The following SERAC1 variants were observed in gnomAD, a reference collection of about 807,000 sequenced individuals.
SERAC1 encodes the protein serine active site containing 1, also known as protein SERAC1.
Under a neutral mutation model 85.7 loss-of-function variants are expected in SERAC1, and 36 were observed. The observed-to-expected ratio is 0.42, with a 90% CI of 0.32 to 0.55. The LOEUF (loss-of-function observed/expected upper bound fraction) is 0.55, where lower values mean the gene tolerates loss of function less well. Among genes scored for constraint, SERAC1 ranks in the 20% least tolerant of loss-of-function variants. SERAC1 has a pLI of 0.11. For synonymous variants in SERAC1, 242 were observed against 265.3 expected (o/e 0.91, Z 0.85); for missense variants, 629 against 796.2 (o/e 0.79, Z 2.53).
intron 14 of SERAC1, 131 bp downstream of exon 14, chr6:158,116,054 A>G (rs1411010203): frequency 1.5e-6 from 1 of 688,076 alleles, no homozygotes; most frequent in African/African-American, 1.8e-5. Context: ...ATAGCTACAC[A>G]GATTAATTTA....
At chr6:158,114,019 T>C (rs1784213072) in intron 15 of SERAC1, among the ~76,000 whole-genome samples, 1 of 151,906 alleles carries the variant, frequency 6.6e-6, no homozygotes, top group Non-Finnish European at 1.5e-5. Context: ...GATAGGCCTA[T>C]GACCTAAAAG....
At chr6:158,114,521 CA>C in intron 15 of SERAC1, 1 of 1,194,954 alleles carries the variant, frequency 8.4e-7, no homozygotes, top group Non-Finnish European at 1.0e-6. Context: ...TACTTAAAAG[CA>C]AAACATTATC....
intron 5 of SERAC1, among the ~76,000 whole-genome samples, chr6:158,148,128 CTCTT>C (rs1226419595): frequency 1.3e-5 from 2 of 152,162 alleles, no homozygotes; most frequent in Non-Finnish European, 2.9e-5. Flanking sequence ...ATTTAATAGT[CTCTT>C]TCAATTATAG....
intron 6 of SERAC1, chr6:158,145,988 A>C (rs1338673228): frequency 6.6e-6 from 1 of 152,226 alleles, no homozygotes; most frequent in Non-Finnish European, 1.5e-5. Flanking sequence ...CAAATAGTCC[A>C]TTAAAAATGA....
rs1784590479 is a variant in SERAC1, at chr6:158,128,162, C to T, written c.961G>A (p.Val321Ile). 1.2e-6 allele frequency: 2 copies of T among 1,613,994 alleles called. No individual in the cohort carries two copies. The highest frequency in any genetic ancestry group is 1.3e-5 in the African/African-American group (1 of 74,908). Residue 321 changes from valine to isoleucine, a missense_variant, in exon 10 of 17, where the codon GTC becomes ATC. Transcript: ENST00000647468. ...TCATTCAAAGCCATATTTCCAATGA[C>T]ACGCATTATATTTCTCTGTACTTTA... ...CPKVQRNIMR[V>I]IGNMALNEHL... is the part of the protein sequence containing the mutation.
intron 7 of SERAC1, among the ~76,000 whole-genome samples, chr6:158,144,041 T>C (rs1784992793): frequency 6.6e-6 from 1 of 152,188 alleles, no homozygotes; most frequent in Admixed American, 6.5e-5. Context: ...TCATGGATGC[T>C]GATATGCTAT....
chr6:158,135,150 T>C (rs1784761454), intron 8 of SERAC1, among the ~76,000 whole-genome samples: 1 of 152,034 alleles, frequency 6.6e-6, no homozygotes, highest in Non-Finnish European at 1.5e-5. Context: ...CTGAAAAAAT[T>C]TTCAGGTAAA....
chr6:158,143,795 A>T (rs757054148), intron 7 of SERAC1, among the ~76,000 whole-genome samples: 1 of 152,148 alleles, frequency 6.6e-6, no homozygotes, highest in African/African-American at 2.4e-5. Context: ...AATCTATGGC[A>T]GTGTTTCTCA....
At chr6:158,118,318 A>G (rs1333856560) in intron 12 of SERAC1, among the ~76,000 whole-genome samples, 2 of 152,232 alleles carry the variant, frequency 1.3e-5, no homozygotes, top group East Asian at 1.9e-4. Context: ...GTGAAGGAGA[A>G]TAAGTAGTAA....
At chr6:158,153,075 G>T (rs1316788290) in intron 3 of SERAC1, among the ~76,000 whole-genome samples, 1 of 152,144 alleles carries the variant, frequency 6.6e-6, no homozygotes, top group Admixed American at 6.5e-5. Context: ...CCCGGATAAT[G>T]ATCTGTTCTC....
Position 158,128,532 on chromosome 6 carries a change from T to G in SERAC1, c.853-262A>C, listed in dbSNP as rs143663008. Among the ~76,000 whole-genome samples, 27 of 152,370 alleles carry G rather than the reference T, an allele frequency of 1.8e-4. No individual in the cohort carries two copies. In the East Asian group the frequency reaches 5.2e-3, roughly 29 times the overall value. The stretch of plus-strand genomic sequence containing the variant: ...TCATTATTCTCATTCTGCTTAGCTC[T>G]TGGTTGGATGTAACCTGACAATGTC... On this transcript the variant is annotated intron_variant, in intron 9 of 16. Coordinates refer to ENST00000647468, the MANE Select transcript of SERAC1 (RefSeq NM_032861.4).
At chr6:158,145,913 A>T (rs1785044531) in intron 6 of SERAC1, 1 of 152,194 alleles carries the variant, frequency 6.6e-6, no homozygotes, top group Non-Finnish European at 1.5e-5. Flanking sequence ...ACCAGAGAAG[A>T]TATGAGTTCT....
chr6:158,114,511 TA>T (rs1344405323), intron 15 of SERAC1: 1 of 1,186,134 alleles, frequency 8.4e-7, no homozygotes. Flanking sequence ...TTTGGAATAA[TA>T]CTTAAAAGCA....
intron 9 of SERAC1, among the ~76,000 whole-genome samples, chr6:158,129,994 C>A (rs933352024): frequency 6.6e-6 from 1 of 152,146 alleles, no homozygotes; most frequent in African/African-American, 2.4e-5. Context: ...CCGCGCCCAG[C>A]CTGTTTTTTC....
rs137986173 is a variant in SERAC1 at position 158,138,116 on chromosome 6, G to A, written c.738+4940C>T. On this transcript the variant is annotated intron_variant, in intron 8 of 16. Transcript: ENST00000647468. The stretch of plus-strand genomic sequence containing the variant: ...TGTAACTCTTTAAACTACTGGCTGA[G>A]GCCAAGAATTCTGCACCAAGCAGCA... 4.2e-3 allele frequency among the ~76,000 whole-genome samples: 632 copies of A among 152,188 alleles called. 1 individual carries two copies. Among genetic ancestry groups the A allele is most frequent in the Non-Finnish European group, 6.7e-3 (458 of 67,996 alleles).
intron 15 of SERAC1, chr6:158,114,562 G>A (rs987408106): frequency 2.5e-6 from 3 of 1,222,782 alleles, no homozygotes; most frequent in Non-Finnish European, 1.0e-6. Flanking sequence ...AAGTATTTAA[G>A]ATAATATTAA....
intron 9 of SERAC1, among the ~76,000 whole-genome samples, chr6:158,129,910 GGT>G (rs1194121460): frequency 6.6e-6 from 1 of 152,052 alleles, no homozygotes; most frequent in Non-Finnish European, 1.5e-5. Context: ...TGGCCAGGCT[GGT>G]CTTGAACTCC....
At position 158,109,543 on chromosome 6, in the gene SERAC1, A is replaced by G. The variant is rs1784094917; in HGVS notation, c.*1823T>C. 6.6e-6 allele frequency: 1 copy of G among 152,154 alleles called. No individual in the cohort carries two copies. The highest frequency in any genetic ancestry group is 1.5e-5 in the Non-Finnish European group (1 of 68,034). The allele number at this position is 152,154 out of a possible 1,614,324, so 9.4% of individuals were successfully genotyped here. On this transcript the variant is annotated 3_prime_UTR_variant, in exon 17 of 17. Transcript: ENST00000647468. Reference sequence around the variant, plus strand: ...ATTGTTGATATCGAGTTTATTGATGAGCCATTTACCTTCAGATGCCATACT... The same window carrying G: ...ATTGTTGATATCGAGTTTATTGATGGGCCATTTACCTTCAGATGCCATACT...
Position 158,130,387 on chromosome 6 carries a change from C to G in SERAC1, c.838G>C (p.Val280Leu). Residue 280 changes from valine to leucine, a missense_variant, in exon 9 of 17, where the codon GTA becomes CTA. By Grantham distance (32) the Val-to-Leu change is conservative. Coordinates refer to ENST00000647468, the MANE Select transcript of SERAC1 (RefSeq NM_032861.4). ...ATGTAAATTACCTCAGAATGTTTTA[C>G]TATAGCTTCTAAACAGAACATTTCC... ...TVEMFCLEAI[V>L]KHSEISTHCD... 1 of 1,551,724 alleles carries G rather than the reference C, an allele frequency of 6.4e-7. No homozygotes were observed. Among genetic ancestry groups the G allele is most frequent in the Non-Finnish European group, 8.7e-7 (1 of 1,149,592 alleles).
Sources: allele counts gnomAD v4.1 joint callset (sites outside exome capture counted in the v4.1 genomes callset), GRCh38; gene constraint gnomAD v4.1.1; transcripts MANE v1.5; gene names NCBI Gene and HGNC (gene_info 2026-07-23, HGNC 2026-07-21).